NAALADL2: variants seen among roughly 807,000 people sequenced by gnomAD.
The protein encoded by NAALADL2 is N-acetylated alpha-linked acidic dipeptidase like 2.
A neutral mutation model predicts 87.2 loss-of-function variants in NAALADL2; 76 were observed. The ratio of observed to expected loss-of-function variants is 0.87; its 90% CI spans 0.72 to 1.05. The LOEUF (loss-of-function observed/expected upper bound fraction) is 1.05, where lower values mean the gene tolerates loss of function less well. Ranked by LOEUF, NAALADL2 falls within the 50% of genes least tolerant of loss-of-function variation. The pLI is 0.00. For missense variants in NAALADL2, 1,089 were observed against 945.8 expected, an observed-to-expected ratio of 1.15 and a Z score of -1.99; for synonymous variants, 354 against 331.0, an observed-to-expected ratio of 1.07 and a Z score of -0.75.
intron 11 of NAALADL2, among the ~76,000 whole-genome samples, chr3:175,688,318 GCTAA>G (rs890188770): frequency 3.9e-5 from 6 of 152,060 alleles, no homozygotes; most frequent in African/African-American, 1.2e-4. Context: ...ATTTTACACA[GCTAA>G]CTGTCTTTTG....
At chr3:174,745,886 A>G (rs1734205420) in intron 3 of NAALADL2, among the ~76,000 whole-genome samples, 1 of 152,142 alleles carries the variant, frequency 6.6e-6, no homozygotes, top group African/African-American at 2.4e-5. Context: ...ACCTCCCTTC[A>G]TGTTAAAAAC....
chr3:175,056,309 A>G (rs1712156530), intron 1 of NAALADL2, among the ~76,000 whole-genome samples: 1 of 152,120 alleles, frequency 6.6e-6, no homozygotes, highest in African/African-American at 2.4e-5. Context: ...CATTAGTGTG[A>G]AAAGTTTCCA....
At chr3:175,114,204 A>C (rs9824182) in intron 2 of NAALADL2, among the ~76,000 whole-genome samples, 10,809 of 151,568 alleles carry the variant, frequency 0.071, 783 homozygotes, top group African/African-American at 0.19. Flanking sequence ...GTACTAATGC[A>C]GGTATAGACA....
At chr3:175,648,776 A>G (rs187752718) in intron 11 of NAALADL2, among the ~76,000 whole-genome samples, 54 of 152,306 alleles carry the variant, frequency 3.5e-4, no homozygotes, top group Non-Finnish European at 2.1e-4. Flanking sequence ...GTAGCTTAAA[A>G]AGGTATTATT....
chr3:174,820,514 A>G (rs1721303916), intron 3 of NAALADL2, among the ~76,000 whole-genome samples: 2 of 152,186 alleles, frequency 1.3e-5, no homozygotes, highest in African/African-American at 4.8e-5. Flanking sequence ...AAAGCTCATA[A>G]ACAAAAGAAA....
intron 1 of NAALADL2, among the ~76,000 whole-genome samples, chr3:174,544,867 C>T (rs1299833938): frequency 6.6e-6 from 1 of 151,722 alleles, no homozygotes; most frequent in African/African-American, 2.4e-5. Context: ...CCACACCTAG[C>T]CTCAATTTTT....
chr3:175,333,233 A>G (rs533780424), intron 5 of NAALADL2, among the ~76,000 whole-genome samples: 1 of 152,238 alleles, frequency 6.6e-6, no homozygotes, highest in Non-Finnish European at 1.5e-5. Context: ...TGGTGGTGGC[A>G]GGTTGGGTGA....
intron 2 of NAALADL2, among the ~76,000 whole-genome samples, chr3:174,657,113 T>A (rs1725031060): frequency 7.3e-6 from 1 of 136,222 alleles, no homozygotes; most frequent in Non-Finnish European, 1.5e-5. Flanking sequence ...CACTACAACC[T>A]CTACCTCTTG....
chr3:175,585,082 C>A (rs1339945784), intron 10 of NAALADL2, among the ~76,000 whole-genome samples: 1 of 151,730 alleles, frequency 6.6e-6, no homozygotes, highest in East Asian at 1.9e-4. Context: ...TATTATAGAG[C>A]TGTAGAAAAA....
intron 2 of NAALADL2, among the ~76,000 whole-genome samples, chr3:174,627,381 A>C (rs1721675616): frequency 6.6e-6 from 1 of 152,214 alleles, no homozygotes; most frequent in Admixed American, 6.5e-5. Flanking sequence ...ACCCACAAAA[A>C]GATACCATCT....
chr3:174,938,099 G>A (rs187203829), intron 1 of NAALADL2, among the ~76,000 whole-genome samples: 8 of 152,008 alleles, frequency 5.3e-5, no homozygotes, highest in Admixed American at 3.3e-4. Context: ...ACAGGGCTTC[G>A]TTGTACTGAT....
intron 3 of NAALADL2, among the ~76,000 whole-genome samples, chr3:175,253,880 G>A (rs950763950): frequency 6.6e-6 from 1 of 152,148 alleles, no homozygotes; most frequent in African/African-American, 2.4e-5. Flanking sequence ...TGACTAAATT[G>A]TTGCAATGTC....
intron 9 of NAALADL2, among the ~76,000 whole-genome samples, chr3:175,559,491 T>C (rs1715910209): frequency 6.6e-6 from 1 of 152,174 alleles, no homozygotes; most frequent in South Asian, 2.1e-4. Flanking sequence ...AAAACAATGC[T>C]GAACATAGGC....
intron 1 of NAALADL2, among the ~76,000 whole-genome samples, chr3:174,536,014 A>G (rs1020166902): frequency 1.4e-4 from 21 of 152,128 alleles, no homozygotes; most frequent in African/African-American, 4.8e-4. Flanking sequence ...ATGAAATTTT[A>G]CCTTGCCAAC....
chr3:174,977,212 T>C (rs148463581), intron 1 of NAALADL2, among the ~76,000 whole-genome samples: 150 of 152,286 alleles, frequency 9.8e-4, no homozygotes, highest in African/African-American at 3.4e-3. Context: ...TAGAGTAGAA[T>C]GGTGGTTTCC....
chr3:174,757,644 A>G (rs1053648524), intron 3 of NAALADL2, among the ~76,000 whole-genome samples: 5 of 151,986 alleles, frequency 3.3e-5, no homozygotes, highest in African/African-American at 7.2e-5. Context: ...GGTACGCACC[A>G]CCACGCCCAG....
At chr3:175,155,174 C>T (rs2108804028) in intron 2 of NAALADL2, among the ~76,000 whole-genome samples, 1 of 152,240 alleles carries the variant, frequency 6.6e-6, no homozygotes, top group African/African-American at 2.4e-5. Context: ...CACCTCAGGT[C>T]TCTGGGGCGG....
chr3:175,159,951 G>A (rs113769981), intron 2 of NAALADL2, among the ~76,000 whole-genome samples: 17,071 of 149,674 alleles, frequency 0.11, 1,098 homozygotes, highest in African/African-American at 0.16. Flanking sequence ...ATTCTCCTGC[G>A]TCAGCCTTCC....
rs113051731 is a variant in NAALADL2 at position 175,678,252 on chromosome 3, A to G, written c.1896+50866A>G. On this transcript the variant is annotated intron_variant, in intron 11 of 13. Coordinates refer to ENST00000454872, the MANE Select transcript of NAALADL2 (RefSeq NM_207015.3). The stretch of plus-strand genomic sequence containing the variant: ...GATATTTTGATATCTGACAACATAA[A>G]AATGAGTTCAAGTAAAAAATAGTGG... Among the ~76,000 whole-genome samples, 662 of 152,312 alleles carry G rather than the reference A, an allele frequency of 4.3e-3. 2 individuals are homozygous for G. Among genetic ancestry groups the G allele is most frequent in the Non-Finnish European group, 6.8e-3 (463 of 68,026 alleles).
Sources: allele counts gnomAD v4.1 joint callset (sites outside exome capture counted in the v4.1 genomes callset), GRCh38; gene constraint gnomAD v4.1.1; transcripts MANE v1.5; gene names NCBI Gene and HGNC (gene_info 2026-07-23, HGNC 2026-07-21).